Variants in OTC observed in about 807,000 individuals in gnomAD.
OTC encodes ornithine transcarbamylase, also known as ornithine transcarbamylase, mitochondrial.
In OTC, 3 loss-of-function variants were observed where a neutral mutation model predicts 30.3. That is an observed-to-expected ratio of 0.10 (90% confidence interval 0.05 to 0.26). The LOEUF is 0.26. OTC is among the 10% of genes least tolerant of loss of function. The pLI, the probability that OTC is intolerant of heterozygous loss-of-function variation, is 1.00. For missense variants in OTC, 194 were observed against 260.3 expected, an observed-to-expected ratio of 0.75 and a Z score of 1.75; for synonymous variants, 111 against 99.7, an observed-to-expected ratio of 1.11 and a Z score of -0.67.
chrX:38,421,503 C>G (rs1232988839), downstream of OTC: 3 of 156,626 alleles, frequency 1.9e-5, no homozygotes, highest in Non-Finnish European at 3.6e-5. Context: ...GGGCTGTGTT[C>G]CTGTCCCCCA....
Position 38,352,846 on chromosome X carries a change from G to T in OTC, c.77+73G>T, listed in dbSNP as rs1210169233. The T allele has an allele frequency of 5.5e-6, 4 of 731,851 alleles. No homozygotes were observed. In the East Asian group the frequency reaches 1.3e-4, roughly 24 times the overall value. The allele number at this position is 731,851 out of a possible 1,213,427, so 60.3% of individuals were successfully genotyped here. Reference sequence around the variant, plus strand: ...GCATAAAACTATATTCTGCAGTAAGGCCTCTTTCTGCAGAATGTAGTGCCA... The same window carrying T: ...GCATAAAACTATATTCTGCAGTAAGTCCTCTTTCTGCAGAATGTAGTGCCA... On this transcript the variant is annotated intron_variant, in intron 1 of 9. Coordinates refer to ENST00000039007, the MANE Select transcript of OTC (RefSeq NM_000531.6).
At chrX:38,395,976 T>G (rs1418801532) in intron 4 of OTC, 1 of 68,082 alleles carries the variant, frequency 1.5e-5, no homozygotes. Flanking sequence ...ATTGATTCTG[T>G]TTTTTTTTTT....
intron 2 of OTC, 149 bp downstream of exon 2, chrX:38,367,578 T>C (rs2068303266): frequency 3.9e-6 from 2 of 511,937 alleles, no homozygotes; most frequent in East Asian, 7.2e-5. Context: ...TTGATTATCA[T>C]GGAGCATACA....
chrX:38,414,779 G>T (rs778376210), intron 9 of OTC, among the ~76,000 whole-genome samples: 22 of 111,791 alleles, frequency 2.0e-4, no homozygotes, highest in Non-Finnish European at 3.2e-4. Flanking sequence ...TGATTAGCGT[G>T]CCTTACACGG....
chrX:38,344,768 A>G, the OTC span, among the ~76,000 whole-genome samples: 2 of 111,657 alleles, frequency 1.8e-5, no homozygotes, highest in African/African-American at 6.5e-5. Context: ...CATAGTCAGG[A>G]GACTGAAAAG....
At position 38,352,644 on chromosome X, in the gene OTC, T is replaced by C; in HGVS notation, c.-53T>C. 9.1e-6 allele frequency: 9 copies of C among 987,066 alleles called. No individual in the cohort carries two copies. The highest frequency in any genetic ancestry group is 1.3e-5 in the Non-Finnish European group (9 of 691,208). 81.3% of individuals were successfully genotyped at this position (987,066 alleles called of 1,213,427 possible). ...TTTTAGGTGGCCCCCGCTGGCTAAC[T>C]TGCTGTGGAGTTTTCAAGGGCATAG... is the stretch of plus-strand genomic sequence containing the variant. On this transcript the variant is annotated 5_prime_UTR_variant, in exon 1 of 10. Transcript: ENST00000039007.
intron 4 of OTC, among the ~76,000 whole-genome samples, chrX:38,386,617 T>C (rs1203895822): frequency 9.0e-6 from 1 of 111,488 alleles, no homozygotes; most frequent in Non-Finnish European, 1.9e-5. Context: ...GTTCGTGATA[T>C]TGCATATGCC....
intron 1 of OTC, among the ~76,000 whole-genome samples, chrX:38,359,484 A>G (rs1001485456): frequency 9.3e-6 from 1 of 107,536 alleles, no homozygotes; most frequent in South Asian, 4.1e-4. Flanking sequence ...CAATGGCACC[A>G]TCTTGGCTCA....
chrX:38,385,859 C>T (rs2068400046), intron 4 of OTC, among the ~76,000 whole-genome samples: 2 of 111,737 alleles, frequency 1.8e-5, no homozygotes, highest in African/African-American at 6.5e-5. Context: ...CTTTGAGAGG[C>T]CGAGGCAGAC....
rs563910913 is a variant in OTC at position 38,420,378 on chromosome X, A to G, written c.1006-645A>G. Among the ~76,000 whole-genome samples the G allele has an allele frequency of 2.8e-4, 31 of 111,704 alleles. 1 individual carries two copies. The South Asian group carries it at 0.011, about 40-fold the overall frequency. On this transcript the variant is annotated intron_variant, in intron 9 of 9. Transcript: ENST00000039007. ...TTTCTTGACCAATACATGATATGGT[A>G]CTTAGTATTCTATCTAATACCTAGT...
chrX:38,365,311 A>G (rs776604173), intron 1 of OTC, among the ~76,000 whole-genome samples: 9 of 113,171 alleles, frequency 8.0e-5, no homozygotes, highest in Non-Finnish European at 1.7e-4. Flanking sequence ...TGATGAGAGA[A>G]AGATGATGTC....
At chrX:38,329,626 T>A in the OTC span, among the ~76,000 whole-genome samples, 1 of 111,991 alleles carries the variant, frequency 8.9e-6, no homozygotes, top group South Asian at 3.8e-4. Flanking sequence ...GTATCTCTGA[T>A]TAGTTGCTTT....
intron 9 of OTC, among the ~76,000 whole-genome samples, chrX:38,412,469 A>T (rs1449148266): frequency 1.8e-5 from 2 of 111,700 alleles, no homozygotes; most frequent in East Asian, 2.8e-4. Context: ...GGCCATAGGG[A>T]TATATGTGTT....
chrX:38,418,231 A>G (rs982216653), intron 9 of OTC, among the ~76,000 whole-genome samples: 1 of 111,857 alleles, frequency 8.9e-6, no homozygotes, highest in Non-Finnish European at 1.9e-5. Context: ...CATTGCCCTA[A>G]TGATTAATGA....
At chrX:38,366,586 T>A (rs1041285863) in intron 1 of OTC, among the ~76,000 whole-genome samples, 3 of 111,963 alleles carry the variant, frequency 2.7e-5, no homozygotes, top group African/African-American at 9.7e-5. Context: ...CAATGTCTGC[T>A]TTACATGTAT....
At chrX:38,376,806 G>A (rs770672892) in intron 3 of OTC, among the ~76,000 whole-genome samples, 12 of 112,158 alleles carry the variant, frequency 1.1e-4, no homozygotes, top group Non-Finnish European at 1.9e-4. Flanking sequence ...AAATATATAT[G>A]AACCCAATGC....
At chrX:38,395,850 A>G (rs909743332) in intron 4 of OTC, 4 of 111,787 alleles carry the variant, frequency 3.6e-5, no homozygotes, top group Non-Finnish European at 5.6e-5. Flanking sequence ...TGGCCAACTA[A>G]TTCTAGTTCA....
the OTC span, among the ~76,000 whole-genome samples, chrX:38,336,182 C>T: frequency 9.1e-6 from 1 of 110,388 alleles, no homozygotes; most frequent in Non-Finnish European, 1.9e-5. Flanking sequence ...ATTCTTTGGC[C>T]CAAAGAGAGA....
intron 1 of OTC, 53 bp from the exon 2 acceptor site, chrX:38,367,238 A>G: frequency 1.9e-6 from 2 of 1,035,991 alleles, no homozygotes; most frequent in Non-Finnish European, 2.7e-6. Context: ...TCACCATAGT[A>G]CATGGGTCTT....
Sources: allele counts gnomAD v4.1 joint callset (sites outside exome capture counted in the v4.1 genomes callset), GRCh38; gene constraint gnomAD v4.1.1; transcripts MANE v1.5; gene names NCBI Gene and HGNC (gene_info 2026-07-23, HGNC 2026-07-21).